Variants in EIF4G3 observed in about 807,000 individuals in gnomAD.
The protein encoded by EIF4G3 is eIF-4-gamma 3.
A neutral mutation model predicts 186.4 loss-of-function variants in EIF4G3; 34 were observed. That is an observed-to-expected ratio of 0.18 (90% CI 0.14 to 0.24). The LOEUF (loss-of-function observed/expected upper bound fraction) is 0.24, where lower values mean the gene tolerates loss of function less well. Ranked by LOEUF, EIF4G3 falls within the 10% of genes least tolerant of loss-of-function variation. The probability of loss-of-function intolerance (pLI) is 1.00; values close to 1 mark genes in which losing one functional copy is unlikely to be tolerated. For synonymous variants in EIF4G3, 673 were observed against 679.5 expected (o/e 0.99, Z 0.15); for missense variants, 1,536 against 1,948.5 (o/e 0.79, Z 3.99).
chr1:20,952,859 GCAAACAAA>G (rs71014132), intron 12 of EIF4G3, among the ~76,000 whole-genome samples: 21 of 151,100 alleles, frequency 1.4e-4, no homozygotes, highest in African/African-American at 9.7e-5. Flanking sequence ...TCGAAAACAA[GCAAACAAA>G]CAAACAAACA....
intron 14 of EIF4G3, among the ~76,000 whole-genome samples, chr1:20,918,238 A>G (rs1040389370): frequency 1.3e-5 from 2 of 152,030 alleles, no homozygotes; most frequent in East Asian, 1.9e-4. Flanking sequence ...TAGACAGGGT[A>G]TCTCTCTGTG....
intron 12 of EIF4G3, among the ~76,000 whole-genome samples, chr1:20,955,502 G>A (rs1039398243): frequency 3.3e-5 from 5 of 151,984 alleles, no homozygotes; most frequent in African/African-American, 9.7e-5. Flanking sequence ...CCTAAAATGC[G>A]GAGATTACAG....
At chr1:20,813,690 A>G (rs1206948274) in intron 34 of EIF4G3, among the ~76,000 whole-genome samples, 1 of 151,824 alleles carries the variant, frequency 6.6e-6, no homozygotes, top group African/African-American at 2.4e-5. Context: ...AACATGGTGA[A>G]ACCGTGTCTC....
In EIF4G3 at chr1:20,973,930, T is replaced by C. The variant is rs147313525; in HGVS notation, c.494-831A>G. ...GAGGTGTGGAGAAGGGGTCAAATACTGGATGGTTTGAGGGTAGAGCCTATA... is the reference window on the plus strand; with the variant it reads ...GAGGTGTGGAGAAGGGGTCAAATACCGGATGGTTTGAGGGTAGAGCCTATA... On this transcript the variant is annotated intron_variant, in intron 10 of 36. Coordinates refer to ENST00000602326, the MANE Select transcript of EIF4G3 (RefSeq NM_001391906.1). Among the ~76,000 whole-genome samples the C allele has an allele frequency of 2.0e-3, 298 of 152,278 alleles. 1 individual carries two copies. Among genetic ancestry groups the C allele is most frequent in the African/African-American group, 6.6e-3 (275 of 41,546 alleles).
At chr1:21,141,067 A>G (rs1429673785) in intron 2 of EIF4G3, among the ~76,000 whole-genome samples, 2 of 152,202 alleles carry the variant, frequency 1.3e-5, no homozygotes, top group African/African-American at 4.8e-5. Flanking sequence ...TCTTGAACCA[A>G]CTGTTCTAAG....
intron 2 of EIF4G3, among the ~76,000 whole-genome samples, chr1:21,155,262 C>CAAAAA (rs34182850): frequency 5.2e-3 from 220 of 42,560 alleles, no homozygotes; most frequent in Middle Eastern, 0.026. Flanking sequence ...GACTCTGTCT[C>CAAAAA]AAAAAAAAAA....
intron 13 of EIF4G3, among the ~76,000 whole-genome samples, chr1:20,948,108 GA>G (rs1449293325): frequency 6.6e-6 from 1 of 152,194 alleles, no homozygotes; most frequent in Non-Finnish European, 1.5e-5. Flanking sequence ...CTTTGCATGG[GA>G]AGTATTCAAT....
chr1:21,155,897 C>G (rs1295552123), intron 2 of EIF4G3, among the ~76,000 whole-genome samples: 1 of 152,024 alleles, frequency 6.6e-6, no homozygotes, highest in Non-Finnish European at 1.5e-5. Context: ...GACGCTGAGG[C>G]AGGAGGATCA....
At chr1:20,927,203 C>T (rs1261833189) in intron 14 of EIF4G3, among the ~76,000 whole-genome samples, 1 of 151,972 alleles carries the variant, frequency 6.6e-6, no homozygotes, top group African/African-American at 2.4e-5. Flanking sequence ...GGCACCACAC[C>T]CAGCTAACTG....
chr1:20,891,703 C>T (rs1013432781), intron 18 of EIF4G3, among the ~76,000 whole-genome samples: 2 of 149,842 alleles, frequency 1.3e-5, no homozygotes, highest in Non-Finnish European at 1.5e-5. Flanking sequence ...AGGAGAATGG[C>T]GTGAACCTAG....
chr1:20,969,619 A>G (rs1438481667), intron 11 of EIF4G3, 23 bp from the exon 12 acceptor site: 3 of 1,610,368 alleles, frequency 1.9e-6, no homozygotes, highest in Non-Finnish European at 8.5e-7. Flanking sequence ...ATAAAATGAC[A>G]TATGTACAGA....
intron 20 of EIF4G3, among the ~76,000 whole-genome samples, chr1:20,868,090 C>CTTTTTTTTTTTTTTTTTTTTT (rs66560662): frequency 3.3e-5 from 3 of 90,414 alleles, no homozygotes; most frequent in Admixed American, 1.7e-4. Flanking sequence ...TGGTGATTTT[C>CTTTTTTTTTTTTTTTTTTTTT]TTTTTTTTTT....
chr1:21,015,595 C>A (rs1023421236), intron 4 of EIF4G3, among the ~76,000 whole-genome samples: 1 of 151,804 alleles, frequency 6.6e-6, no homozygotes, highest in African/African-American at 2.4e-5. Flanking sequence ...CCTGTCTATA[C>A]AAAAAACAAA....
At chr1:20,837,744 C>A (rs2067186158) in intron 30 of EIF4G3, among the ~76,000 whole-genome samples, 1 of 151,948 alleles carries the variant, frequency 6.6e-6, no homozygotes, top group African/African-American at 2.4e-5. Context: ...ACAGTATGAA[C>A]CATTTATAAC....
chr1:21,039,805 TCAA>T (rs1357207669), intron 4 of EIF4G3, among the ~76,000 whole-genome samples: 3 of 152,098 alleles, frequency 2.0e-5, no homozygotes, highest in Admixed American at 6.5e-5. Flanking sequence ...CTCCTACAAC[TCAA>T]CAACAACGAA....
At chr1:20,943,037 C>T (rs2095784828) in intron 13 of EIF4G3, among the ~76,000 whole-genome samples, 2 of 152,114 alleles carry the variant, frequency 1.3e-5, no homozygotes, top group Admixed American at 1.3e-4. Context: ...GTGGCACATG[C>T]CTGTAATCCC....
At chr1:21,032,656 A>T (rs2092840027) in intron 4 of EIF4G3, among the ~76,000 whole-genome samples, 1 of 152,220 alleles carries the variant, frequency 6.6e-6, no homozygotes, top group Non-Finnish European at 1.5e-5. Context: ...ATGTTCTTCA[A>T]ATGTTTTCAT....
chr1:21,176,120 C>A (rs947058363), intron 2 of EIF4G3, 55 bp downstream of exon 2: 25 of 328,602 alleles, frequency 7.6e-5, no homozygotes, highest in Non-Finnish European at 1.3e-4. Context: ...CTGCGGGGTC[C>A]CCCTGGACTG....
rs36090897 is a variant in EIF4G3 at position 20,854,538 on chromosome 1, T to TAA, written c.3433+438_3433+439dup. 7.6e-4 allele frequency among the ~76,000 whole-genome samples: 101 copies of TAA among 132,334 alleles called. 1 individual carries two copies. Among genetic ancestry groups the TAA allele is most frequent in the South Asian group, 1.5e-3 (6 of 4,100 alleles). 86.8% of individuals were successfully genotyped at this position (132,334 alleles called of 152,430 possible). A position where few individuals can be genotyped will look rare whatever the true frequency, so the allele number is the denominator to read the frequency against. ...GTGAGACTCCATCTCTACAAAAAAT[T>TAA]AAAAAAAAAAAAAAAAATCAGCCAG... On this transcript the variant is annotated intron_variant, in intron 26 of 36. Transcript: ENST00000602326.
Sources: allele counts gnomAD v4.1 joint callset (sites outside exome capture counted in the v4.1 genomes callset), GRCh38; gene constraint gnomAD v4.1.1; transcripts MANE v1.5; gene names NCBI Gene and HGNC (gene_info 2026-07-23, HGNC 2026-07-21).